Variants in ACCS observed in about 807,000 individuals in gnomAD.
ACCS encodes the protein 1-aminocyclopropane-1-carboxylate synthase homolog (inactive).
ACCS carries 42 observed loss-of-function variants against 59.8 expected under a neutral mutation model. That is an observed-to-expected ratio of 0.70 (90% CI 0.55 to 0.91). The LOEUF (loss-of-function observed/expected upper bound fraction) is 0.91, where lower values mean the gene tolerates loss of function less well. ACCS is among the 40% of genes least tolerant of loss of function. The probability of loss-of-function intolerance (pLI) is 0.00; values close to 1 mark genes in which losing one functional copy is unlikely to be tolerated. For missense variants in ACCS, 602 were observed against 630.4 expected, an observed-to-expected ratio of 0.95 and a Z score of 0.48; for synonymous variants, 230 against 240.3, an observed-to-expected ratio of 0.96 and a Z score of 0.40.
At chr11:44,078,649 A>T in intron 8 of ACCS, 35 bp from the exon 9 acceptor site, 1 of 1,603,164 alleles carries the variant, frequency 6.2e-7, no homozygotes, top group Non-Finnish European at 8.5e-7. Flanking sequence ...CTTGGGGAAG[A>T]GCTGAGGGTC....
At chr11:44,069,533 C>A (rs953896961) in intron 2 of ACCS, among the ~76,000 whole-genome samples, 1 of 152,178 alleles carries the variant, frequency 6.6e-6, no homozygotes, top group Non-Finnish European at 1.5e-5. Context: ...CCGTGCCAGT[C>A]CACGCCACCA....
chr11:44,068,203 G>A (rs1275396931), intron 2 of ACCS, among the ~76,000 whole-genome samples: 1 of 152,210 alleles, frequency 6.6e-6, no homozygotes, highest in Non-Finnish European at 1.5e-5. Context: ...CAACTTTAGA[G>A]CTAGGGCAGA....
intron 1 of ACCS, 82 bp from the exon 2 acceptor site, chr11:44,067,546 A>G: frequency 2.1e-6 from 3 of 1,395,978 alleles, no homozygotes; most frequent in Non-Finnish European, 2.9e-6. Context: ...GAGAAAGGGG[A>G]CTCCCATGAC....
chr11:44,079,423 G>T, intron 9 of ACCS, 108 bp from the exon 10 acceptor site: 1 of 855,520 alleles, frequency 1.2e-6, no homozygotes, highest in Non-Finnish European at 1.8e-6. Context: ...TGGTAACCCC[G>T]GGCTAGACCC....
intron 9 of ACCS, chr11:44,079,057 A>G (rs969393490): frequency 4.8e-5 from 22 of 453,892 alleles, no homozygotes; most frequent in Non-Finnish European, 7.1e-5. Context: ...CCTCACAACA[A>G]TGCTATCATA....
Position 44,071,236 on chromosome 11 carries a change from T to C in ACCS, c.289-20T>C. On this transcript the variant is annotated intron_variant, in intron 2 of 14. Coordinates refer to ENST00000263776, the MANE Select transcript of ACCS (RefSeq NM_032592.4). ...ACCCCCCTGCCATGCTAACTCTGCC[T>C]CTGTACCTCTCATCTCCAGGGCATC... 6.2e-7 allele frequency: 1 copy of C among 1,613,956 alleles called. No individual in the cohort carries two copies. The highest frequency in any genetic ancestry group is 2.2e-5 in the East Asian group (1 of 44,888).
At position 44,083,994 on chromosome 11, in the gene ACCS, T is replaced by C. The variant is rs76366712; in HGVS notation, c.*202T>C. On this transcript the variant is annotated 3_prime_UTR_variant, in exon 15 of 15. Coordinates refer to ENST00000263776, the MANE Select transcript of ACCS (RefSeq NM_032592.4). ...TGGTTCAGCCTGGGCCCTCCCTCTCTCCTATTAAACAAAACTAGGAGAGTC... is the reference window on the plus strand; with the variant it reads ...TGGTTCAGCCTGGGCCCTCCCTCTCCCCTATTAAACAAAACTAGGAGAGTC... 8.7e-3 allele frequency: 10,253 copies of C among 1,184,682 alleles called. 483 individuals carry two copies. In the African/African-American group the frequency reaches 0.11, roughly 13 times the overall value. 73.4% of individuals were successfully genotyped at this position (1,184,682 alleles called of 1,614,324 possible). A position where few individuals can be genotyped will look rare whatever the true frequency, so the allele number is the denominator to read the frequency against.
Position 44,074,696 on chromosome 11 carries a change from C to T in ACCS, c.489+15C>T, listed in dbSNP as rs756241648. Reference sequence around the variant, plus strand: ...GACCAGAGAATGTGAGTGGCCCCCTCCACTGCTCCTTCCTGTTCTCCTGCC... The same window carrying T: ...GACCAGAGAATGTGAGTGGCCCCCTTCACTGCTCCTTCCTGTTCTCCTGCC... On this transcript the variant is annotated intron_variant, in intron 5 of 14. Coordinates refer to ENST00000263776, the MANE Select transcript of ACCS (RefSeq NM_032592.4). The T allele has an allele frequency of 1.3e-6, 2 of 1,559,886 alleles. No homozygotes were observed. Among genetic ancestry groups the T allele is most frequent in the Admixed American group, 3.6e-5 (2 of 55,656 alleles).
chr11:44,068,000 C>T, intron 2 of ACCS, 85 bp downstream of exon 2: 1 of 1,430,036 alleles, frequency 7.0e-7, no homozygotes, highest in Admixed American at 2.6e-5. Context: ...CAGCATCCAG[C>T]CTGCTCTTAT....
chr11:44,075,572 C>T lies in ACCS; in HGVS notation c.536C>T (p.Thr179Met), dbSNP rs150749056. The T allele has an allele frequency of 7.5e-5, 121 of 1,614,172 alleles. No homozygotes were observed. In the African/African-American group the frequency reaches 9.7e-4, roughly 13 times the overall value. ...GGASLFSALATVLCEAGEAFL... is the reference protein window; with the variant it reads ...GGASLFSALAMVLCEAGEAFL... Reference sequence around the variant, plus strand: ...GCCTCGCTCTTCTCTGCTCTGGCCACGGTGCTGTGTGAGGCCGGGGGTAAG... The same window carrying T: ...GCCTCGCTCTTCTCTGCTCTGGCCATGGTGCTGTGTGAGGCCGGGGGTAAG... The change falls in exon 6 of 15, where the codon ACG becomes ATG. Residue 179 changes from threonine to methionine, a missense_variant. By Grantham distance (81) the Thr-to-Met change is moderately conservative (BLOSUM62 -1). Transcript: ENST00000263776.
chr11:44,083,166 C>A lies in ACCS; in HGVS notation c.1112-3C>A. 1.2e-6 allele frequency: 2 copies of A among 1,613,680 alleles called. No homozygotes were observed. The highest frequency in any genetic ancestry group is 1.7e-6 in the Non-Finnish European group (2 of 1,179,708). On this transcript the variant is annotated splice_polypyrimidine_tract_variant and splice_region_variant and intron_variant, in intron 12 of 14. Transcript: ENST00000263776. ...GATCTTCTGGCCTCTTTCACCCAAACAGACTGGATCAACCAGGTGTACCTG... is the reference window on the plus strand; with the variant it reads ...GATCTTCTGGCCTCTTTCACCCAAAAAGACTGGATCAACCAGGTGTACCTG...
At chr11:44,074,752 C>CTT (rs372617588) in intron 5 of ACCS, 71 bp downstream of exon 5, 50 of 469,932 alleles carry the variant, frequency 1.1e-4, no homozygotes, top group African/African-American at 9.9e-4. Context: ...TTCTTTCTTT[C>CTT]TTTCTTTCTT....
intron 6 of ACCS, among the ~76,000 whole-genome samples, chr11:44,076,331 G>A (rs1295136114): frequency 6.6e-6 from 1 of 152,158 alleles, no homozygotes; most frequent in South Asian, 2.1e-4. Context: ...TGTGTTCCAG[G>A]GATTAGCCTA....
intron 8 of ACCS, chr11:44,078,424 G>C (rs755429409): frequency 6.9e-6 from 3 of 435,088 alleles, no homozygotes; most frequent in Non-Finnish European, 1.2e-5. Flanking sequence ...AATTTTGAAA[G>C]TGCAAAAGGC....
At chr11:44,079,712 C>A in intron 10 of ACCS, 92 bp downstream of exon 10, 1 of 1,141,802 alleles carries the variant, frequency 8.8e-7, no homozygotes. Context: ...GCATGGCCTG[C>A]CCAGAGCAAT....
intron 14 of ACCS, 51 bp from the exon 15 acceptor site, chr11:44,083,644 C>G: frequency 6.2e-7 from 1 of 1,614,160 alleles, no homozygotes; most frequent in Non-Finnish European, 8.5e-7. Context: ...CTTGTTTGTC[C>G]CCACCCACGT....
chr11:44,079,125 A>C (rs1272441929), intron 9 of ACCS: 8 of 380,464 alleles, frequency 2.1e-5, no homozygotes, highest in Non-Finnish European at 2.9e-5. Flanking sequence ...ACCCTCATAC[A>C]ATCCTTACAA....
In ACCS at chr11:44,084,049, T is replaced by C; in HGVS notation, c.*257T>C. ...TGTCTCCATTGTGAGTTATTTAGAATGGAGGAGTCGTGACTGCTTCTAACC... is the reference window on the plus strand; with the variant it reads ...TGTCTCCATTGTGAGTTATTTAGAACGGAGGAGTCGTGACTGCTTCTAACC... On this transcript the variant is annotated 3_prime_UTR_variant, in exon 15 of 15. Transcript: ENST00000263776. The C allele has an allele frequency of 1.6e-6, 1 of 636,838 alleles. No homozygotes were observed. The highest frequency in any genetic ancestry group is 3.8e-5 in the East Asian group (1 of 26,372). The allele number at this position is 636,838 out of a possible 1,614,324, so 39.4% of individuals were successfully genotyped here.
Position 44,074,599 on chromosome 11 carries a change from GTCTTA to G in ACCS, c.420-8_420-4del. On this transcript the variant is annotated splice_polypyrimidine_tract_variant and splice_region_variant and intron_variant, in intron 4 of 14. Transcript: ENST00000263776. ...ACCATCTGGCAAGCACTGTCTTTTT[GTCTTA>G]TCTTCAGCCTCCGGGAGGAAGTGGC... 1 of 1,612,812 alleles carries G rather than the reference GTCTTA, an allele frequency of 6.2e-7. No individual in the cohort carries two copies.
Sources: allele counts gnomAD v4.1 joint callset (sites outside exome capture counted in the v4.1 genomes callset), GRCh38; gene constraint gnomAD v4.1.1; transcripts MANE v1.5; gene names NCBI Gene and HGNC (gene_info 2026-07-23, HGNC 2026-07-21).